Variants in NPLOC4 observed in about 807,000 individuals in gnomAD.
NPLOC4 encodes NPL4 homolog, ubiquitin recognition factor.
A neutral mutation model predicts 80.6 loss-of-function variants in NPLOC4; 18 were observed. The observed-to-expected ratio is 0.22, with a 90% CI of 0.15 to 0.33. The LOEUF is 0.33. Ranked by LOEUF, NPLOC4 falls within the 10% of genes least tolerant of loss-of-function variation. NPLOC4 has a pLI of 1.00. For synonymous variants in NPLOC4, 313 were observed against 301.5 expected, an observed-to-expected ratio of 1.04 and a Z score of -0.39; for missense variants, 540 against 786.1, an observed-to-expected ratio of 0.69 and a Z score of 3.74.
intron 2 of NPLOC4, among the ~76,000 whole-genome samples, chr17:81,626,316 A>G (rs1194969584): frequency 2.5e-5 from 3 of 119,298 alleles, no homozygotes; most frequent in African/African-American, 7.0e-5. Context: ...ACTCCATCTC[A>G]AGAAAAAAAA....
At chr17:81,573,377 T>C (rs986129574) in intron 12 of NPLOC4, 3 of 152,222 alleles carry the variant, frequency 2.0e-5, no homozygotes, top group African/African-American at 4.8e-5. Context: ...CGCTGTCTTC[T>C]GAGACAATCA....
chr17:81,560,921 C>T (rs2033832065), intron 16 of NPLOC4: 1 of 152,126 alleles, frequency 6.6e-6, no homozygotes, highest in Admixed American at 6.6e-5. Context: ...TGTGTAACGG[C>T]TTCTCATGTT....
At position 81,594,981 on chromosome 17, in the gene NPLOC4, G is replaced by A. The variant is rs531035988; in HGVS notation, c.1120+1135C>T. Among the ~76,000 whole-genome samples, 20 of 151,686 alleles carry A rather than the reference G, an allele frequency of 1.3e-4. No homozygotes were observed. The East Asian group carries it at 1.9e-3, about 15-fold the overall frequency. ...AACAAAAAAAAAAACACAAAAACCC[G>A]GCAAACTCAAGAATATGCAGCAAAG... On this transcript the variant is annotated intron_variant, in intron 11 of 16. Transcript: ENST00000331134.
At chr17:81,600,744 T>C (rs1351918830) in intron 8 of NPLOC4, among the ~76,000 whole-genome samples, 1 of 152,154 alleles carries the variant, frequency 6.6e-6, no homozygotes, top group African/African-American at 2.4e-5. Context: ...GTTTTAAAAG[T>C]TCCTTCATCA....
Position 81,577,410 on chromosome 17 carries a change from T to G in NPLOC4, c.1282-5322A>C, listed in dbSNP as rs945042891. 6.6e-6 allele frequency among the ~76,000 whole-genome samples: 1 copy of G among 151,730 alleles called. No homozygotes were observed. The highest frequency in any genetic ancestry group is 1.9e-4 in the East Asian group (1 of 5,150). ...GCTCAACGCCCTCTTCTCTTCTCCC[T>G]CTGAACCACAGCTTGGCTCATCTAC... is the stretch of plus-strand genomic sequence containing the variant. On this transcript the variant is annotated intron_variant, in intron 12 of 16. Coordinates refer to ENST00000331134, the MANE Select transcript of NPLOC4 (RefSeq NM_017921.4). The surrounding 1 kb of genome is among the most constrained non-coding windows in gnomAD (Gnocchi z 4.3).
chr17:81,612,798 C>G (rs1172699205), intron 4 of NPLOC4: 1 of 152,570 alleles, frequency 6.6e-6, no homozygotes, highest in Non-Finnish European at 1.5e-5. Context: ...CAAGGCACAG[C>G]ATCTTCTGCA....
At chr17:81,573,099 A>G (rs1411881961) in intron 12 of NPLOC4, among the ~76,000 whole-genome samples, 1 of 152,240 alleles carries the variant, frequency 6.6e-6, no homozygotes. Flanking sequence ...AAATAAATTC[A>G]TAAGAACCAA....
intron 1 of NPLOC4, among the ~76,000 whole-genome samples, chr17:81,636,702 G>T (rs538046027): frequency 6.6e-6 from 1 of 152,262 alleles, no homozygotes; most frequent in African/African-American, 2.4e-5. Flanking sequence ...GGGAACCGGG[G>T]TCGTAAGTCC....
At chr17:81,621,051 G>A (rs368216072) in intron 3 of NPLOC4, among the ~76,000 whole-genome samples, 1 of 146,122 alleles carries the variant, frequency 6.8e-6, no homozygotes, top group African/African-American at 2.5e-5. Context: ...AAAAGGAAAA[G>A]AAAGGAAGGA....
At chr17:81,564,747 C>T (rs1225779476) in intron 16 of NPLOC4, 1 of 149,216 alleles carries the variant, frequency 6.7e-6, no homozygotes, top group Non-Finnish European at 1.5e-5. Flanking sequence ...AAGATCACGC[C>T]ACCACACTCC....
At chr17:81,622,421 T>C in intron 2 of NPLOC4, 143 bp from the exon 3 acceptor site, 1 of 686,512 alleles carries the variant, frequency 1.5e-6, no homozygotes, top group Non-Finnish European at 2.5e-6. Flanking sequence ...GCTATTTTGC[T>C]CTTTTAAAGA....
rs981351366 is a variant in NPLOC4 at position 81,558,516 on chromosome 17, G to A, written c.*743C>T. The stretch of plus-strand genomic sequence containing the variant: ...CATCACCCTGGACACAACCTCGGGG[G>A]CTTCACTAAAGGAGGGAAGGATGTG... On this transcript the variant is annotated 3_prime_UTR_variant, in exon 17 of 17. Coordinates refer to ENST00000331134, the MANE Select transcript of NPLOC4 (RefSeq NM_017921.4). 1.5e-4 allele frequency: 22 copies of A among 151,652 alleles called. No homozygotes were observed. The highest frequency in any genetic ancestry group is 5.4e-4 in the African/African-American group (22 of 40,922). The allele number at this position is 151,652 out of a possible 1,614,324, so 9.4% of individuals were successfully genotyped here.
chr17:81,586,236 G>A (rs1291226074), intron 12 of NPLOC4, among the ~76,000 whole-genome samples: 2 of 152,148 alleles, frequency 1.3e-5, no homozygotes, highest in African/African-American at 4.8e-5. Context: ...TGGGAGATGA[G>A]GGTCTGGCAG....
At chr17:81,604,978 G>C (rs973176754) in intron 7 of NPLOC4, among the ~76,000 whole-genome samples, 2 of 151,990 alleles carry the variant, frequency 1.3e-5, no homozygotes, top group African/African-American at 4.8e-5. Context: ...ATAAACATCT[G>C]GGCTGGGCGC....
intron 1 of NPLOC4, among the ~76,000 whole-genome samples, chr17:81,635,406 C>A (rs2036041186): frequency 6.7e-6 from 1 of 149,116 alleles, no homozygotes; most frequent in Admixed American, 6.7e-5. Context: ...TTCTCCTGGG[C>A]CATATATTCA....
In NPLOC4 at chr17:81,572,213, G is replaced by A. The variant is rs2034180476; in HGVS notation, c.1282-125C>T. 2 of 430,228 alleles carry A rather than the reference G, an allele frequency of 4.6e-6. No individual in the cohort carries two copies. 26.7% of individuals were successfully genotyped at this position (430,228 alleles called of 1,614,324 possible). A position where few individuals can be genotyped will look rare whatever the true frequency, so the allele number is the denominator to read the frequency against. On this transcript the variant is annotated intron_variant, in intron 12 of 16. Coordinates refer to ENST00000331134, the MANE Select transcript of NPLOC4 (RefSeq NM_017921.4). This position sits in a 1 kb window ranked among gnomAD's most constrained non-coding sequence, Gnocchi z 4.5. ...ATTTATTTATTTATTTTTTGAGACA[G>A]AGTCTTGTGCTGTCGCCCAGGCTGG...
At chr17:81,634,522 T>C (rs2144351540) in intron 1 of NPLOC4, among the ~76,000 whole-genome samples, 1 of 151,884 alleles carries the variant, frequency 6.6e-6, no homozygotes, top group East Asian at 1.9e-4. Context: ...AGTACAAAGG[T>C]AGTTTGAAAG....
rs2033753162 is a variant in NPLOC4, at chr17:81,559,049, T to C, written c.*210A>G. 2 of 573,688 alleles carry C rather than the reference T, an allele frequency of 3.5e-6. No individual in the cohort carries two copies. The highest frequency in any genetic ancestry group is 6.1e-6 in the Non-Finnish European group (2 of 326,630). 35.5% of individuals were successfully genotyped at this position (573,688 alleles called of 1,614,324 possible). A position where few individuals can be genotyped will look rare whatever the true frequency, so the allele number is the denominator to read the frequency against. On this transcript the variant is annotated 3_prime_UTR_variant, in exon 17 of 17. Coordinates refer to ENST00000331134, the MANE Select transcript of NPLOC4 (RefSeq NM_017921.4). ...CTGCGTTTCCAGTCTGGAGACTGCA[T>C]TCAGCCTGCAGAATACCAGCCGTGG...
chr17:81,568,049 A>T lies in NPLOC4; in HGVS notation c.1450-516T>A, dbSNP rs144555451. On this transcript the variant is annotated intron_variant, in intron 14 of 16. Transcript: ENST00000331134. ...AGCCAAGATCGCACCACTGCACTCC[A>T]GCCTGGGTGATAGAGTGAGACTCTG... is the stretch of plus-strand genomic sequence containing the variant. 1,128 of 135,190 alleles carry T rather than the reference A, an allele frequency of 8.3e-3. 58 individuals are homozygous for T. Among genetic ancestry groups the T allele is most frequent in the Admixed American group, 0.077 (961 of 12,506 alleles). The allele number at this position is 135,190 out of a possible 1,614,324, so 8.4% of individuals were successfully genotyped here.
Sources: gnomAD v4.1 joint callset for allele counts (sites outside exome capture counted in the v4.1 genomes callset) on GRCh38, gnomAD v4.1.1 for gene constraint, Gnocchi (gnomAD v3.1) non-coding constraint, MANE v1.5 for transcripts, NCBI Gene and HGNC (gene_info 2026-07-23, HGNC 2026-07-21) for gene names.